Variants in NCAPG2 observed in about 807,000 individuals in gnomAD.
NCAPG2 encodes condensin-2 complex subunit G2.
Under a neutral mutation model 141.1 loss-of-function variants are expected in NCAPG2, and 53 were observed. The ratio of observed to expected loss-of-function variants is 0.38; its 90% CI spans 0.30 to 0.47. The LOEUF (loss-of-function observed/expected upper bound fraction) is 0.47, where lower values mean the gene tolerates loss of function less well. Among genes scored for constraint, NCAPG2 ranks in the 20% least tolerant of loss-of-function variants. The pLI, the probability that NCAPG2 is intolerant of heterozygous loss-of-function variation, is 0.99. For missense variants in NCAPG2, 1,087 were observed against 1,389.0 expected (o/e 0.78, Z 3.46); for synonymous variants, 499 against 490.7 (o/e 1.02, Z -0.22).
At chr7:158,703,166 G>A (rs1468876636) in intron 1 of NCAPG2, among the ~76,000 whole-genome samples, 2 of 152,158 alleles carry the variant, frequency 1.3e-5, no homozygotes, top group African/African-American at 2.4e-5. Context: ...ATTGCCTAAC[G>A]ACAACGTGTC....
At chr7:158,671,411 T>G in intron 13 of NCAPG2, 103 bp downstream of exon 13, 1 of 1,339,118 alleles carries the variant, frequency 7.5e-7, no homozygotes, top group Non-Finnish European at 1.1e-6. Context: ...TCAAATCATA[T>G]CAGTTATCAG....
chr7:158,663,455 C>T (rs1832689223), intron 15 of NCAPG2, among the ~76,000 whole-genome samples: 1 of 152,194 alleles, frequency 6.6e-6, no homozygotes, highest in Non-Finnish European at 1.5e-5. Context: ...GGGCTGGTGG[C>T]CCATCACGGT....
Position 158,680,007 on chromosome 7 carries a change from C to T in NCAPG2, c.1099G>A (p.Ala367Thr). 1 of 1,614,156 alleles carries T rather than the reference C, an allele frequency of 6.2e-7. No individual in the cohort carries two copies. Among genetic ancestry groups the T allele is most frequent in the Non-Finnish European group, 8.5e-7 (1 of 1,180,018 alleles). Residue 367 changes from alanine to threonine, a missense_variant, in exon 11 of 28, where the codon GCT becomes ACT. Coordinates refer to ENST00000356309, the MANE Select transcript of NCAPG2 (RefSeq NM_017760.7). The stretch of plus-strand genomic sequence containing the variant: ...TGGATTTCACTATCCATTTCAATAG[C>T]ATGAAGGTTTGGATCCCTAATAGGA... Reference protein sequence around the residue: ...AFPIRDPNLHAIEMDSEIQKQ... With the variant: ...AFPIRDPNLHTIEMDSEIQKQ...
chr7:158,700,467 A>T (rs1835711127), intron 2 of NCAPG2, among the ~76,000 whole-genome samples: 1 of 152,188 alleles, frequency 6.6e-6, no homozygotes, highest in Non-Finnish European at 1.5e-5. Flanking sequence ...ACATTATGGT[A>T]TGCACTTTGC....
intron 27 of NCAPG2, among the ~76,000 whole-genome samples, chr7:158,635,688 T>G (rs1449830866): frequency 1.4e-5 from 2 of 147,410 alleles, no homozygotes; most frequent in Non-Finnish European, 3.0e-5. Flanking sequence ...GCAATTAAAA[T>G]GCAATGAGAT....
intron 22 of NCAPG2, among the ~76,000 whole-genome samples, chr7:158,654,393 A>G (rs2129458858): frequency 6.6e-6 from 1 of 152,214 alleles, no homozygotes; most frequent in East Asian, 1.9e-4. Flanking sequence ...CCTGTCACAA[A>G]CTCTGGATGT....
intron 16 of NCAPG2, among the ~76,000 whole-genome samples, chr7:158,658,852 A>G (rs970110750): frequency 6.6e-6 from 1 of 152,162 alleles, no homozygotes; most frequent in African/African-American, 2.4e-5. Context: ...ATAAAACAAA[A>G]TCAGAATATC....
chr7:158,668,373 C>T (rs908681447), intron 13 of NCAPG2: 128 of 983,238 alleles, frequency 1.3e-4, no homozygotes, highest in Non-Finnish European at 1.5e-4. Flanking sequence ...TTACCCACTA[C>T]TGGGTCCCTC....
In NCAPG2 at chr7:158,671,763, T is replaced by G; in HGVS notation, c.1327-97A>C. On this transcript the variant is annotated intron_variant, in intron 12 of 27. Coordinates refer to ENST00000356309, the MANE Select transcript of NCAPG2 (RefSeq NM_017760.7). ...ATTAAAGAAAACATTCGGTTCCATC[T>G]TTATTAGAACTACTAGTGAAATAAA... The G allele has an allele frequency of 4.4e-6, 6 of 1,348,536 alleles. No homozygotes were observed. In the South Asian group the frequency reaches 6.8e-5, roughly 15 times the overall value. 83.5% of individuals were successfully genotyped at this position (1,348,536 alleles called of 1,614,324 possible). A position where few individuals can be genotyped will look rare whatever the true frequency, so the allele number is the denominator to read the frequency against.
intron 27 of NCAPG2, among the ~76,000 whole-genome samples, chr7:158,634,438 G>C (rs1830061583): frequency 6.6e-6 from 1 of 152,066 alleles, no homozygotes; most frequent in Non-Finnish European, 1.5e-5. Context: ...TAATGACAAG[G>C]AAAAGTCTGT....
Position 158,655,133 on chromosome 7 carries a change from A to G in NCAPG2, c.2631T>C (p.Tyr877=), listed in dbSNP as rs763862457. 4.3e-6 allele frequency: 7 copies of G among 1,610,400 alleles called. No homozygotes were observed. The African/African-American group carries it at 9.4e-5, about 22-fold the overall frequency. ...EDYLKLHRVI[Y]QQIIQTYLTV... is the part of the protein sequence containing the mutation. ...GACTTCTAACCTGGATAATTTGCTG[A>G]TAAATGACCCTATGAAGCTTCAGGT... Residue 877 remains tyrosine (Y), a synonymous_variant, in exon 21 of 28, where the codon TAT becomes TAC. Coordinates refer to ENST00000356309, the MANE Select transcript of NCAPG2 (RefSeq NM_017760.7).
In NCAPG2 at chr7:158,697,591, G is replaced by C. The variant is rs535772072; in HGVS notation, c.79-4094C>G. 4.7e-5 allele frequency among the ~76,000 whole-genome samples: 7 copies of C among 149,904 alleles called. No homozygotes were observed. In the South Asian group the frequency reaches 1.5e-3, roughly 32 times the overall value. On this transcript the variant is annotated intron_variant, in intron 2 of 27. Transcript: ENST00000356309. ...ACTCCAGCCTGAGCAACAGAGCAAG[G>C]CTCCAACTGAAAAGAAAAAAAAAAA...
intron 2 of NCAPG2, among the ~76,000 whole-genome samples, chr7:158,695,820 G>A (rs1442721906): frequency 1.3e-5 from 2 of 152,252 alleles, no homozygotes; most frequent in Non-Finnish European, 2.9e-5. Context: ...CGAGCTGCCT[G>A]TGGGCATCCT....
Position 158,633,891 on chromosome 7 carries a change from T to C in NCAPG2, c.3381-2174A>G, listed in dbSNP as rs777672359. On this transcript the variant is annotated intron_variant, in intron 27 of 27. Transcript: ENST00000356309. The surrounding 1 kb of genome is among the most constrained non-coding windows in gnomAD (Gnocchi z 4.1). ...TCACCCTCCCAAGTAGCTGGGACTA[T>C]GGTGCACACCACCACACCCAGCAGA... 2.0e-5 allele frequency among the ~76,000 whole-genome samples: 3 copies of C among 152,064 alleles called. No individual in the cohort carries two copies. The highest frequency in any genetic ancestry group is 2.9e-5 in the Non-Finnish European group (2 of 67,982).
intron 2 of NCAPG2, among the ~76,000 whole-genome samples, chr7:158,700,121 T>G (rs1229568699): frequency 6.6e-6 from 1 of 152,220 alleles, no homozygotes; most frequent in Non-Finnish European, 1.5e-5. Context: ...GGCATTTCTG[T>G]CATTCAACTT....
At chr7:158,637,038 C>G (rs1274273253) in intron 27 of NCAPG2, among the ~76,000 whole-genome samples, 2 of 151,730 alleles carry the variant, frequency 1.3e-5, no homozygotes, top group South Asian at 2.1e-4. Flanking sequence ...AGTTCCGCCT[C>G]CCGGGTTCAT....
intron 13 of NCAPG2, chr7:158,667,233 C>T (rs1009866988): frequency 9.1e-6 from 9 of 985,214 alleles, no homozygotes; most frequent in African/African-American, 7.0e-5. Context: ...TGCTCTGGCG[C>T]CCAAACTTCC....
intron 7 of NCAPG2, 41 bp from the exon 8 acceptor site, chr7:158,686,282 GA>G (rs1191030686): frequency 1.7e-6 from 2 of 1,206,176 alleles, no homozygotes; most frequent in African/African-American, 3.2e-5. Context: ...CAAATTTTAA[GA>G]ATTATTCTTT....
Position 158,671,606 on chromosome 7 carries a change from C to G in NCAPG2, c.1387G>C (p.Ala463Pro), listed in dbSNP as rs770718414. 3 of 1,614,054 alleles carry G rather than the reference C, an allele frequency of 1.9e-6. No homozygotes were observed. The highest frequency in any genetic ancestry group is 1.1e-5 in the South Asian group (1 of 91,084). Residue 463 changes from alanine (A) to proline (P), a missense_variant, in exon 13 of 28, where the codon GCT becomes CCT. Transcript: ENST00000356309. ...TTGTCGTGGAGACTGTATCTGAGAG[C>G]TGGAAGGAGCTGCTCTAACAATGGG... Reference protein sequence around the residue: ...SHPLLEQLLPALRYSLHDNSE... With the variant: ...SHPLLEQLLPPLRYSLHDNSE...
Sources: allele counts gnomAD v4.1 joint callset (sites outside exome capture counted in the v4.1 genomes callset), GRCh38; gene constraint gnomAD v4.1.1; non-coding constraint Gnocchi (gnomAD v3.1); transcripts MANE v1.5; gene names NCBI Gene and HGNC (gene_info 2026-07-23, HGNC 2026-07-21).